Variants in RBFOX1 observed in about 807,000 individuals in gnomAD.
RBFOX1 encodes the protein RNA binding protein fox-1 homolog 1.
In RBFOX1, 8 loss-of-function variants were observed where a neutral mutation model predicts 57.7. The observed-to-expected ratio is 0.14, with a 90% CI of 0.08 to 0.25. The LOEUF (loss-of-function observed/expected upper bound fraction) is 0.25, where lower values mean the gene tolerates loss of function less well. Among genes scored for constraint, RBFOX1 ranks in the 10% least tolerant of loss-of-function variants. The probability of loss-of-function intolerance (pLI) is 1.00; values close to 1 mark genes in which losing one functional copy is unlikely to be tolerated. For missense variants in RBFOX1, 611 were observed against 548.5 expected, an observed-to-expected ratio of 1.11 and a Z score of -1.14; for synonymous variants, 326 against 222.4, an observed-to-expected ratio of 1.47 and a Z score of -4.15.
chr16:6,236,334 C>G (rs1053264853), intron 1 of RBFOX1, among the ~76,000 whole-genome samples: 1 of 152,116 alleles, frequency 6.6e-6, no homozygotes. Context: ...TAGTACCTAA[C>G]TCATAATCTG....
At chr16:5,524,953 C>T (rs1281482330) in intron 2 of RBFOX1, among the ~76,000 whole-genome samples, 2 of 152,180 alleles carry the variant, frequency 1.3e-5, no homozygotes, top group Non-Finnish European at 2.9e-5. Flanking sequence ...CCACTGGGTG[C>T]ATTTCTAATA....
chr16:7,147,531 CAA>C (rs1396879972), intron 4 of RBFOX1, among the ~76,000 whole-genome samples: 1 of 152,092 alleles, frequency 6.6e-6, no homozygotes, highest in East Asian at 1.9e-4. Flanking sequence ...CATGTGTACT[CAA>C]TGGTTAGCTC....
Position 6,417,776 on chromosome 16 carries a change from GT to G in RBFOX1, c.-64+100732del, listed in dbSNP as rs541843444. ...TTGCATAAGTAAGCTTGTGTCATAG[GT>G]TTTTTTTTTTTTACAGATTATTTCA... is the stretch of plus-strand genomic sequence containing the variant. On this transcript the variant is annotated intron_variant, in intron 2 of 15. Coordinates refer to ENST00000550418, the MANE Select transcript of RBFOX1 (RefSeq NM_018723.4). Among the ~76,000 whole-genome samples, 578 of 86,844 alleles carry G rather than the reference GT, an allele frequency of 6.7e-3. 2 individuals carry two copies. The highest frequency in any genetic ancestry group is 0.025 in the African/African-American group (406 of 16,384). The allele number at this position is 86,844 out of a possible 152,430, so 57.0% of individuals were successfully genotyped here.
At chr16:6,266,125 A>T (rs1441821893) in intron 1 of RBFOX1, among the ~76,000 whole-genome samples, 1 of 152,192 alleles carries the variant, frequency 6.6e-6, no homozygotes, top group Admixed American at 6.5e-5. Context: ...AAGAGCCTCT[A>T]TCTGACTCAA....
At chr16:6,389,553 C>T (rs971138036) in intron 2 of RBFOX1, among the ~76,000 whole-genome samples, 1 of 152,086 alleles carries the variant, frequency 6.6e-6, no homozygotes, top group Non-Finnish European at 1.5e-5. Context: ...CCACTTAGTC[C>T]AATTGCTGTT....
intron 3 of RBFOX1, among the ~76,000 whole-genome samples, chr16:5,836,554 AAG>A (rs1299087219): frequency 6.6e-6 from 1 of 152,126 alleles, no homozygotes; most frequent in East Asian, 1.9e-4. Flanking sequence ...CTTCATCCCC[AAG>A]TCCTGCCAGT....
chr16:5,291,467 G>T (rs2030876942), intron 1 of RBFOX1, among the ~76,000 whole-genome samples: 2 of 152,064 alleles, frequency 1.3e-5, no homozygotes, highest in Admixed American at 1.3e-4. Context: ...GTTTCACCCT[G>T]TTAGCGAGAA....
At chr16:7,223,205 C>T (rs922630160) in intron 4 of RBFOX1, among the ~76,000 whole-genome samples, 1 of 152,154 alleles carries the variant, frequency 6.6e-6, no homozygotes, top group Admixed American at 6.5e-5. Context: ...GCAGTGTCAG[C>T]CTAAGAGCTC....
intron 1 of RBFOX1, among the ~76,000 whole-genome samples, chr16:6,171,114 G>A (rs2152765228): frequency 6.6e-6 from 1 of 152,266 alleles, no homozygotes; most frequent in African/African-American, 2.4e-5. Flanking sequence ...CCAGTGATGG[G>A]ATCGCTAGAT....
intron 3 of RBFOX1, among the ~76,000 whole-genome samples, chr16:6,773,022 G>T (rs542713975): frequency 6.9e-6 from 1 of 145,102 alleles, no homozygotes; most frequent in Non-Finnish European, 1.5e-5. Flanking sequence ...GTGTGTGATT[G>T]TATTTGTGGG....
intron 4 of RBFOX1, among the ~76,000 whole-genome samples, chr16:7,122,573 G>C (rs765358704): frequency 5.3e-5 from 8 of 152,168 alleles, no homozygotes; most frequent in Non-Finnish European, 5.9e-5. Context: ...ACAAGACTTA[G>C]TGCTGTGGAG....
At position 5,431,705 on chromosome 16, in the gene RBFOX1, C is replaced by T. The variant is rs554463235; in HGVS notation, c.220-35511C>T. 5.3e-5 allele frequency among the ~76,000 whole-genome samples: 8 copies of T among 152,196 alleles called. No individual in the cohort carries two copies. The South Asian group carries it at 6.2e-4, about 12-fold the overall frequency. On this transcript the variant is annotated intron_variant, in intron 1 of 2. Transcript: ENST00000585867. ...TATTTTTTATTATTATTTGCCACTG[C>T]GATTGTCTTGCGGGACTACCCATAG...
intron 1 of RBFOX1, among the ~76,000 whole-genome samples, chr16:5,463,202 C>T (rs1428034538): frequency 6.6e-6 from 1 of 152,022 alleles, no homozygotes; most frequent in East Asian, 1.9e-4. Flanking sequence ...CTTTATAATT[C>T]AAAGAGGATT....
At position 6,872,562 on chromosome 16, in the gene RBFOX1, A is replaced by G. The variant is rs577458646; in HGVS notation, c.-15-179495A>G. 3.3e-5 allele frequency among the ~76,000 whole-genome samples: 5 copies of G among 152,220 alleles called. No homozygotes were observed. The South Asian group carries it at 1.0e-3, about 32-fold the overall frequency. ...CCTGTTTATATTGGAAACATTCTTTAAAAAAAGATAAGAACGTTTGGAACG... is the reference window on the plus strand; with the variant it reads ...CCTGTTTATATTGGAAACATTCTTTGAAAAAAGATAAGAACGTTTGGAACG... On this transcript the variant is annotated intron_variant, in intron 3 of 15. Transcript: ENST00000550418.
chr16:6,547,100 T>G (rs994986069), intron 2 of RBFOX1, among the ~76,000 whole-genome samples: 2 of 152,338 alleles, frequency 1.3e-5, no homozygotes, highest in Middle Eastern at 6.8e-3. Flanking sequence ...TGCCCAACTC[T>G]ATTGCATTGA....
At chr16:7,249,295 A>T (rs2094426309) in intron 4 of RBFOX1, among the ~76,000 whole-genome samples, 1 of 150,804 alleles carries the variant, frequency 6.6e-6, no homozygotes, top group Non-Finnish European at 1.5e-5. Flanking sequence ...TTTCTATTGG[A>T]TGAACCCTGA....
At chr16:5,716,175 G>A (rs556595561) in intron 3 of RBFOX1, among the ~76,000 whole-genome samples, 31 of 152,102 alleles carry the variant, frequency 2.0e-4, no homozygotes, top group Non-Finnish European at 4.0e-4. Flanking sequence ...GTAGTATCGG[G>A]CTCTTTTTAT....
chr16:5,388,291 T>C (rs368945644), intron 1 of RBFOX1, among the ~76,000 whole-genome samples: 1 of 152,110 alleles, frequency 6.6e-6, no homozygotes, highest in Admixed American at 6.5e-5. Flanking sequence ...CTTGGTTGGG[T>C]TGGGGGCTTC....
intron 2 of RBFOX1, among the ~76,000 whole-genome samples, chr16:6,377,795 G>T (rs1256387328): frequency 6.6e-6 from 1 of 152,188 alleles, no homozygotes; most frequent in Non-Finnish European, 1.5e-5. Flanking sequence ...GATAGAGGCG[G>T]TAATGGAGTG....
Sources: gnomAD v4.1 joint callset for allele counts (sites outside exome capture counted in the v4.1 genomes callset) on GRCh38, gnomAD v4.1.1 for gene constraint, MANE v1.5 for transcripts, NCBI Gene and HGNC (gene_info 2026-07-23, HGNC 2026-07-21) for gene names.